The following KCTD16 variants were observed in gnomAD, a reference collection of about 807,000 sequenced individuals.
KCTD16 encodes the protein potassium channel tetramerization domain containing 16.
In KCTD16, 13 loss-of-function variants were observed where a neutral mutation model predicts 33.2. The ratio of observed to expected loss-of-function variants is 0.39; its 90% confidence interval spans 0.25 to 0.62. The LOEUF (loss-of-function observed/expected upper bound fraction) is 0.62, where lower values mean the gene tolerates loss of function less well. Ranked by LOEUF, KCTD16 falls within the 20% of genes least tolerant of loss-of-function variation. The pLI is 0.50. For missense variants in KCTD16, 441 were observed against 525.1 expected, an observed-to-expected ratio of 0.84 and a Z score of 1.57; for synonymous variants, 197 against 195.3, an observed-to-expected ratio of 1.01 and a Z score of -0.07.
At chr5:144,438,503 C>T (rs1482007029) in intron 3 of KCTD16, among the ~76,000 whole-genome samples, 1 of 152,188 alleles carries the variant, frequency 6.6e-6, no homozygotes, top group East Asian at 1.9e-4. Flanking sequence ...TTCATAGTAG[C>T]CACAGTAATA....
At chr5:144,323,165 T>G (rs762684431) in intron 3 of KCTD16, among the ~76,000 whole-genome samples, 1 of 152,160 alleles carries the variant, frequency 6.6e-6, no homozygotes, top group Non-Finnish European at 1.5e-5. Flanking sequence ...TAGTGTGAAA[T>G]AGATTGAAAA....
chr5:144,373,584 T>G (rs1454825242), intron 3 of KCTD16, among the ~76,000 whole-genome samples: 1 of 152,214 alleles, frequency 6.6e-6, no homozygotes, highest in Non-Finnish European at 1.5e-5. Context: ...GCACACCTAG[T>G]TCCTGAGTGT....
chr5:144,265,937 C>T (rs1325668038), intron 3 of KCTD16, among the ~76,000 whole-genome samples: 1 of 151,960 alleles, frequency 6.6e-6, no homozygotes, highest in Non-Finnish European at 1.5e-5. Flanking sequence ...CTATATATGG[C>T]CTCAAAAAGG....
intron 2 of KCTD16, among the ~76,000 whole-genome samples, chr5:144,188,697 T>C (rs1029475782): frequency 2.6e-5 from 4 of 152,148 alleles, no homozygotes; most frequent in African/African-American, 9.7e-5. Flanking sequence ...TGAAGAGAAA[T>C]GTATCAACAG....
In KCTD16 at chr5:144,480,036, A is replaced by T. The variant is rs1754673909; in HGVS notation, c.*5922A>T. 1 of 152,042 alleles carries T rather than the reference A, an allele frequency of 6.6e-6. No homozygotes were observed. Among genetic ancestry groups the T allele is most frequent in the African/African-American group, 2.4e-5 (1 of 41,424 alleles). The allele number at this position is 152,042 out of a possible 1,614,324, so 9.4% of individuals were successfully genotyped here. ...AATTTACCTGCATTTGCACAGTGAA[A>T]AATCAACATAACTTTATATTCTCTT... On this transcript the variant is annotated 3_prime_UTR_variant, in exon 4 of 4. Transcript: ENST00000512467.
intron 3 of KCTD16, among the ~76,000 whole-genome samples, chr5:144,459,823 T>C (rs1419854041): frequency 7.6e-6 from 1 of 131,856 alleles, no homozygotes; most frequent in Non-Finnish European, 1.6e-5. Flanking sequence ...TCCAATATCA[T>C]CTTTTTTTTT....
intron 3 of KCTD16, among the ~76,000 whole-genome samples, chr5:144,317,625 C>T (rs925505536): frequency 1.3e-5 from 2 of 152,170 alleles, no homozygotes; most frequent in Non-Finnish European, 2.9e-5. Flanking sequence ...TTCCTCTGCC[C>T]TTATTTCTTC....
intron 3 of KCTD16, among the ~76,000 whole-genome samples, chr5:144,453,974 G>A (rs947426141): frequency 2.0e-5 from 3 of 152,176 alleles, no homozygotes; most frequent in Non-Finnish European, 4.4e-5. Context: ...AGCCCAGTCA[G>A]TAAACTTAGC....
intron 3 of KCTD16, among the ~76,000 whole-genome samples, chr5:144,209,373 T>C (rs553851293): frequency 6.6e-5 from 10 of 152,330 alleles, no homozygotes; most frequent in African/African-American, 2.4e-4. Flanking sequence ...ATGTCGTTTC[T>C]TCTTTCTTTG....
intron 3 of KCTD16, among the ~76,000 whole-genome samples, chr5:144,216,923 G>C (rs923432651): frequency 1.3e-5 from 2 of 152,046 alleles, no homozygotes; most frequent in Admixed American, 6.6e-5. Context: ...GACTGTCCAG[G>C]TCAACAATGA....
intron 2 of KCTD16, among the ~76,000 whole-genome samples, chr5:144,196,392 C>T (rs1011548370): frequency 5.3e-5 from 8 of 152,070 alleles, no homozygotes; most frequent in African/African-American, 1.4e-4. Context: ...TAAATGACCT[C>T]GGACCAAATG....
intron 3 of KCTD16, among the ~76,000 whole-genome samples, chr5:144,273,644 A>G (rs922996826): frequency 6.6e-6 from 1 of 152,086 alleles, no homozygotes; most frequent in Admixed American, 6.6e-5. Context: ...GAACTTAAGA[A>G]CATTCTACTA....
intron 3 of KCTD16, among the ~76,000 whole-genome samples, chr5:144,362,113 A>C (rs1399933364): frequency 6.6e-6 from 1 of 152,140 alleles, no homozygotes; most frequent in Non-Finnish European, 1.5e-5. Flanking sequence ...TCATTCACTC[A>C]GTGATCTCTT....
chr5:144,263,303 C>G (rs1197740313), intron 3 of KCTD16, among the ~76,000 whole-genome samples: 1 of 152,174 alleles, frequency 6.6e-6, no homozygotes, highest in African/African-American at 2.4e-5. Flanking sequence ...TTAAATAAAA[C>G]AGATTCACAT....
intron 3 of KCTD16, among the ~76,000 whole-genome samples, chr5:144,407,642 T>G (rs1752841067): frequency 6.6e-6 from 1 of 152,182 alleles, no homozygotes; most frequent in South Asian, 2.1e-4. Flanking sequence ...ACCTTTCATC[T>G]AGGTTTTAAG....
At chr5:144,340,294 C>T (rs1328889723) in intron 3 of KCTD16, among the ~76,000 whole-genome samples, 1 of 150,386 alleles carries the variant, frequency 6.6e-6, no homozygotes, top group African/African-American at 2.5e-5. Context: ...CCCAGCTATT[C>T]GAGAGGCTGA....
intron 2 of KCTD16, among the ~76,000 whole-genome samples, chr5:144,179,648 A>C (rs993340994): frequency 5.9e-5 from 9 of 152,342 alleles, no homozygotes; most frequent in African/African-American, 1.2e-4. Flanking sequence ...TTTACTAATA[A>C]GACTAGTATC....
At position 144,318,723 on chromosome 5, in the gene KCTD16, G is replaced by A. The variant is rs112623256; in HGVS notation, c.832+111177G>A. Among the ~76,000 whole-genome samples, 659 of 152,146 alleles carry A rather than the reference G, an allele frequency of 4.3e-3. 8 individuals carry two copies. The highest frequency in any genetic ancestry group is 0.014 in the African/African-American group (589 of 41,494). ...GCCTAAGCCTGCCCTCTGTGACTGC[G>A]GAATTACTTGGCAAAGAAAGAAAAG... On this transcript the variant is annotated intron_variant, in intron 3 of 3. Transcript: ENST00000512467.
Position 144,479,467 on chromosome 5 carries a change from A to T in KCTD16, c.*5353A>T, listed in dbSNP as rs372736685. ...CCTATTCATTTAACAGAGTAACTGG[A>T]TACATACCAAATTCCCACGTTATAA... On this transcript the variant is annotated 3_prime_UTR_variant, in exon 4 of 4. Coordinates refer to ENST00000512467, the MANE Select transcript of KCTD16 (RefSeq NM_020768.4). The T allele has an allele frequency of 2.0e-5, 3 of 151,996 alleles. No individual in the cohort carries two copies. The highest frequency in any genetic ancestry group is 7.2e-5 in the African/African-American group (3 of 41,540). 9.4% of individuals were successfully genotyped at this position (151,996 alleles called of 1,614,324 possible). A position where few individuals can be genotyped will look rare whatever the true frequency, so the allele number is the denominator to read the frequency against.
Sources: gnomAD v4.1 joint callset for allele counts (sites outside exome capture counted in the v4.1 genomes callset) on GRCh38, gnomAD v4.1.1 for gene constraint, MANE v1.5 for transcripts, NCBI Gene and HGNC (gene_info 2026-07-23, HGNC 2026-07-21) for gene names.